The following BCL2L11 variants were observed in gnomAD, a reference collection of about 807,000 sequenced individuals.
BCL2L11 encodes the protein BCL2 like 11.
Under a neutral mutation model 20.6 loss-of-function variants are expected in BCL2L11, and 15 were observed. That is an observed-to-expected ratio of 0.73 (90% CI 0.49 to 1.12). BCL2L11 has a LOEUF of 1.12. Among genes scored for constraint, BCL2L11 ranks in the 50% most tolerant of loss-of-function variants. BCL2L11 has a pLI of 0.00. For missense variants in BCL2L11, 292 were observed against 260.9 expected (o/e 1.12, Z -0.82); for synonymous variants, 108 against 92.8 (o/e 1.16, Z -0.94).
chr2:111,146,103 G>A (rs1009270134), intron 2 of BCL2L11: 8 of 984,966 alleles, frequency 8.1e-6, no homozygotes, highest in Non-Finnish European at 9.6e-6. Flanking sequence ...AAAATTTAGT[G>A]CCAGGTTTAT....
At chr2:111,141,407 T>C (rs113050728) in intron 2 of BCL2L11, among the ~76,000 whole-genome samples, 12,976 of 149,340 alleles carry the variant, frequency 0.087, 544 homozygotes, top group African/African-American at 0.15. Flanking sequence ...AGTAAACTAT[T>C]GCAAGAACAA....
chr2:111,143,786 G>A (rs1361405501), intron 2 of BCL2L11, among the ~76,000 whole-genome samples: 1 of 152,168 alleles, frequency 6.6e-6, no homozygotes, highest in Non-Finnish European at 1.5e-5. Flanking sequence ...TAGTAAATAT[G>A]TTAATATGTG....
rs759340617 is a variant in BCL2L11 at position 111,123,963 on chromosome 2, T to G, written c.218T>G (p.Phe73Cys). The stretch of plus-strand genomic sequence containing the variant: ...GCCCCACCTGCCAGCCCTGGCCCTT[T>G]TGCTACCAGATCCCCGCTTTTCATC... The part of the protein sequence containing the change: ...PLAPPASPGP[F>C]ATRSPLFIFM... Residue 73 changes from phenylalanine to cysteine, a missense_variant, in exon 2 of 4, where the codon TTT (phenylalanine) becomes TGT (cysteine). Physicochemically the swap from Phe to Cys is radical, Grantham distance 205. Coordinates refer to ENST00000393256, the MANE Select transcript of BCL2L11 (RefSeq NM_138621.5). The G allele has an allele frequency of 5.0e-6, 8 of 1,614,216 alleles. No individual in the cohort carries two copies. In the South Asian group the frequency reaches 8.8e-5, roughly 18 times the overall value.
At chr2:111,147,878 T>C (rs1368248051) in intron 2 of BCL2L11, among the ~76,000 whole-genome samples, 4 of 152,216 alleles carry the variant, frequency 2.6e-5, no homozygotes, top group Non-Finnish European at 5.9e-5. Flanking sequence ...TGAAATCAAG[T>C]GGTTAATCTA....
intron 2 of BCL2L11, among the ~76,000 whole-genome samples, chr2:111,124,861 A>G (rs531485339): frequency 6.6e-6 from 1 of 151,450 alleles, no homozygotes; most frequent in East Asian, 1.9e-4. Flanking sequence ...AGAACCATGA[A>G]AATGGTTTGT....
intron 2 of BCL2L11, among the ~76,000 whole-genome samples, chr2:111,141,728 C>T (rs1427537114): frequency 2.1e-5 from 3 of 145,932 alleles, no homozygotes; most frequent in Admixed American, 6.9e-5. Flanking sequence ...GACGGAGTTT[C>T]GCTCTTGTCA....
At position 111,165,367 on chromosome 2, in the gene BCL2L11, G is replaced by A. The variant is rs1366115253; in HGVS notation, c.*1136G>A. 1.3e-5 allele frequency: 2 copies of A among 152,292 alleles called. No homozygotes were observed. Among genetic ancestry groups the A allele is most frequent in the African/African-American group, 4.8e-5 (2 of 41,436 alleles). The allele number at this position is 152,292 out of a possible 1,614,324, so 9.4% of individuals were successfully genotyped here. A position where few individuals can be genotyped will look rare whatever the true frequency, so the allele number is the denominator to read the frequency against. On this transcript the variant is annotated 3_prime_UTR_variant, in exon 4 of 4. Coordinates refer to ENST00000393256, the MANE Select transcript of BCL2L11 (RefSeq NM_138621.5). ...GGGAATTGGCACAGGCCTGGGGCAGGGCTTCTGATGGCCATTTGCTTGGCC... is the reference window on the plus strand; with the variant it reads ...GGGAATTGGCACAGGCCTGGGGCAGAGCTTCTGATGGCCATTTGCTTGGCC...
intron 3 of BCL2L11, among the ~76,000 whole-genome samples, chr2:111,154,254 A>G (rs1428508471): frequency 6.6e-6 from 1 of 152,086 alleles, no homozygotes; most frequent in East Asian, 1.9e-4. Flanking sequence ...ATGTAACCAC[A>G]GTGTAATTAT....
At chr2:111,122,266 C>T (rs912136568) in intron 1 of BCL2L11, among the ~76,000 whole-genome samples, 2 of 152,212 alleles carry the variant, frequency 1.3e-5, no homozygotes, top group African/African-American at 4.8e-5. Flanking sequence ...GATGGCCCTG[C>T]GGGTCCGGGC....
At chr2:111,152,175 G>T (rs1376829333) in intron 3 of BCL2L11, among the ~76,000 whole-genome samples, 1 of 152,212 alleles carries the variant, frequency 6.6e-6, no homozygotes, top group East Asian at 1.9e-4. Context: ...CATTTCTGAT[G>T]GGTATGGAGA....
intron 1 of BCL2L11, chr2:111,123,018 T>C (rs1457170003): frequency 1.2e-5 from 12 of 983,668 alleles, no homozygotes; most frequent in South Asian, 9.4e-5. Flanking sequence ...GACCTAGTTG[T>C]AGACCTTGCA....
At chr2:111,132,899 T>C (rs1239392176) in intron 2 of BCL2L11, among the ~76,000 whole-genome samples, 1 of 152,220 alleles carries the variant, frequency 6.6e-6, no homozygotes, top group African/African-American at 2.4e-5. Flanking sequence ...AGTCTGGTCA[T>C]ATCTGAAAAT....
At chr2:111,127,552 C>CA (rs1338765804) in intron 2 of BCL2L11, among the ~76,000 whole-genome samples, 2 of 151,488 alleles carry the variant, frequency 1.3e-5, no homozygotes, top group Non-Finnish European at 2.9e-5. Flanking sequence ...GAGTGCCTGA[C>CA]AAAGAGGAGA....
At chr2:111,141,631 T>A (rs546371096) in intron 2 of BCL2L11, among the ~76,000 whole-genome samples, 2,410 of 151,800 alleles carry the variant, frequency 0.016, 60 homozygotes, top group African/African-American at 0.055. Context: ...AACCTGCACA[T>A]TGTGCACATG....
intron 3 of BCL2L11, among the ~76,000 whole-genome samples, chr2:111,159,866 T>G (rs981586584): frequency 2.0e-5 from 3 of 152,186 alleles, no homozygotes; most frequent in African/African-American, 7.2e-5. Context: ...TGGGGACATG[T>G]GAAGAACTAT....
At chr2:111,155,747 C>G (rs1183685045) in intron 3 of BCL2L11, among the ~76,000 whole-genome samples, 1 of 152,178 alleles carries the variant, frequency 6.6e-6, no homozygotes, top group Non-Finnish European at 1.5e-5. Flanking sequence ...TGAAGCTGCT[C>G]TCCAGATGAG....
chr2:111,134,354 C>A (rs1048495894), intron 2 of BCL2L11, among the ~76,000 whole-genome samples: 3 of 152,032 alleles, frequency 2.0e-5, no homozygotes, highest in Non-Finnish European at 2.9e-5. Flanking sequence ...CCAGGTATTA[C>A]AGTATGTGTG....
intron 2 of BCL2L11, among the ~76,000 whole-genome samples, chr2:111,135,690 C>T (rs966275857): frequency 1.3e-5 from 2 of 152,184 alleles, no homozygotes; most frequent in Non-Finnish European, 2.9e-5. Context: ...GCCCAGACAC[C>T]CAAGGCTGGG....
At chr2:111,130,059 G>A (rs909364806) in intron 2 of BCL2L11, 17 of 366,718 alleles carry the variant, frequency 4.6e-5, no homozygotes, top group Admixed American at 4.1e-4. Flanking sequence ...CCCTGGCACA[G>A]CTGGAACTCA....
Sources: allele counts gnomAD v4.1 joint callset (sites outside exome capture counted in the v4.1 genomes callset), GRCh38; gene constraint gnomAD v4.1.1; transcripts MANE v1.5; gene names NCBI Gene and HGNC (gene_info 2026-07-23, HGNC 2026-07-21).